The following GSE1 variants were observed in gnomAD, a reference collection of about 807,000 sequenced individuals.
The protein encoded by GSE1 is Gse1 coiled-coil protein, also known as genetic suppressor element 1.
A neutral mutation model predicts 112.6 loss-of-function variants in GSE1; 32 were observed. The ratio of observed to expected loss-of-function variants is 0.28; its 90% CI spans 0.21 to 0.38. The LOEUF (loss-of-function observed/expected upper bound fraction) is 0.38, where lower values mean the gene tolerates loss of function less well. Among genes scored for constraint, GSE1 ranks in the 10% least tolerant of loss-of-function variants. GSE1 has a pLI of 1.00. For synonymous variants in GSE1, 1,115 were observed against 735.6 expected (o/e 1.52, Z -8.35); for missense variants, 2,348 against 1,699.2 (o/e 1.38, Z -6.71).
At chr16:85,231,151 A>AGGATGGATAGAAGGACAGATGGAT (rs1567625721) in intron 1 of GSE1, among the ~76,000 whole-genome samples, 2 of 120,230 alleles carry the variant, frequency 1.7e-5, no homozygotes, top group East Asian at 5.8e-4. Context: ...GATGGATGGA[A>AGGATGGATAGAAGGACAGATGGAT]GGATGGATAG....
At chr16:85,382,982 CACACATGT>C (rs111488042) in intron 2 of GSE1, among the ~76,000 whole-genome samples, 18,693 of 151,594 alleles carry the variant, frequency 0.12, 1,885 homozygotes, top group African/African-American at 0.28. Flanking sequence ...CGCTCACACG[CACACATGT>C]GCACATACAA....
chr16:85,441,304 G>A (rs956410111), intron 2 of GSE1, among the ~76,000 whole-genome samples: 18 of 152,100 alleles, frequency 1.2e-4, no homozygotes, highest in Admixed American at 7.2e-4. Context: ...CCATTTGTCC[G>A]CTGGGGGGCA....
chr16:85,282,200 G>A (rs1160949573), intron 1 of GSE1, among the ~76,000 whole-genome samples: 1 of 152,026 alleles, frequency 6.6e-6, no homozygotes, highest in African/African-American at 2.4e-5. Flanking sequence ...GTTAATGTTT[G>A]TATTTTCAGT....
At chr16:85,200,965 C>T (rs979986804) in intron 1 of GSE1, among the ~76,000 whole-genome samples, 3 of 152,150 alleles carry the variant, frequency 2.0e-5, no homozygotes, top group Non-Finnish European at 4.4e-5. Context: ...ACCCTGGTGG[C>T]AGGCTCCAAG....
chr16:85,411,203 A>T (rs1280868283), intron 2 of GSE1, among the ~76,000 whole-genome samples: 10 of 67,192 alleles, frequency 1.5e-4, no homozygotes, highest in Admixed American at 3.6e-4. Flanking sequence ...TCACTGTTAC[A>T]CTCAGGGCCC....
intron 1 of GSE1, chr16:85,171,838 G>T (rs985558164): frequency 1.0e-6 from 1 of 962,894 alleles, no homozygotes; most frequent in Non-Finnish European, 1.2e-6. Flanking sequence ...CATCTTAGAC[G>T]CTTCCTCCAA....
chr16:85,464,096 C>T (rs1456036455), intron 2 of GSE1, among the ~76,000 whole-genome samples: 1 of 152,190 alleles, frequency 6.6e-6, no homozygotes, highest in African/African-American at 2.4e-5. Context: ...ATCCCCCATG[C>T]CTGGCCCCTC....
intron 1 of GSE1, among the ~76,000 whole-genome samples, chr16:85,265,066 C>T (rs1268598850): frequency 5.9e-5 from 9 of 152,202 alleles, no homozygotes; most frequent in Admixed American, 3.3e-4. Flanking sequence ...GTTGTAAGTA[C>T]GCAGTAAACG....
intron 2 of GSE1, among the ~76,000 whole-genome samples, chr16:85,387,437 A>G (rs2047712720): frequency 6.6e-6 from 1 of 151,722 alleles, no homozygotes; most frequent in South Asian, 2.1e-4. Flanking sequence ...GGGCCTTTGC[A>G]TCTGCTGTCC....
At chr16:85,234,936 G>A (rs1904438773) in intron 1 of GSE1, among the ~76,000 whole-genome samples, 1 of 152,164 alleles carries the variant, frequency 6.6e-6, no homozygotes, top group Non-Finnish European at 1.5e-5. Context: ...AGGGGCGGGG[G>A]TTGCCCTGGG....
At chr16:85,503,245 C>T (rs2051429508) in intron 2 of GSE1, among the ~76,000 whole-genome samples, 1 of 152,228 alleles carries the variant, frequency 6.6e-6, no homozygotes, top group African/African-American at 2.4e-5. Flanking sequence ...CTCCAGCATC[C>T]AGGGGTCACC....
chr16:85,309,005 A>G (rs1171241816), intron 1 of GSE1, among the ~76,000 whole-genome samples: 1 of 151,010 alleles, frequency 6.6e-6, no homozygotes, highest in Non-Finnish European at 1.5e-5. Context: ...GGAGGCTCCA[A>G]AATTGGCCTG....
At chr16:85,352,771 A>G (rs2046877318) in intron 1 of GSE1, among the ~76,000 whole-genome samples, 1 of 152,146 alleles carries the variant, frequency 6.6e-6, no homozygotes, top group Non-Finnish European at 1.5e-5. Flanking sequence ...TTGCGTGTCC[A>G]TTAATATTGA....
chr16:85,364,834 C>A (rs917397966), intron 2 of GSE1, among the ~76,000 whole-genome samples: 2 of 152,200 alleles, frequency 1.3e-5, no homozygotes, highest in African/African-American at 4.8e-5. Flanking sequence ...AGGGGCCGAG[C>A]CCTGCCATTC....
rs192465945 is a variant in GSE1 at position 85,492,374 on chromosome 16, A to G, written c.2464+134731A>G. Among the ~76,000 whole-genome samples, 8 of 152,086 alleles carry G rather than the reference A, an allele frequency of 5.3e-5. No homozygotes were observed. The East Asian group carries it at 1.5e-3, about 29-fold the overall frequency. On this transcript the variant is annotated intron_variant, in intron 2 of 2. Coordinates refer to the GSE1 transcript ENST00000637419. ...TGTTTGAGTCCCCCTCTCAAATCGA[A>G]TCCCCTCCCCCTTGCTGCACGCTAC...
intron 2 of GSE1, among the ~76,000 whole-genome samples, chr16:85,638,348 C>A (rs1489927866): frequency 2.0e-5 from 3 of 152,184 alleles, no homozygotes; most frequent in African/African-American, 7.2e-5. Flanking sequence ...ACCCGCCCAC[C>A]AGCGCGGGCC....
intron 3 of GSE1, among the ~76,000 whole-genome samples, chr16:85,650,971 T>A (rs73253208): frequency 6.7e-6 from 1 of 150,296 alleles, no homozygotes; most frequent in Non-Finnish European, 1.5e-5. Context: ...ACAGGGCATG[T>A]CCCGCCTGTC....
chr16:85,463,594 C>T (rs1357275713), intron 2 of GSE1, among the ~76,000 whole-genome samples: 1 of 152,176 alleles, frequency 6.6e-6, no homozygotes, highest in Non-Finnish European at 1.5e-5. Flanking sequence ...CTTGCTTGCA[C>T]AGGTGGGACC....
chr16:85,170,441 G>T, exon 1 of GSE1: 1 of 985,590 alleles, frequency 1.0e-6, no homozygotes, highest in Non-Finnish European at 1.2e-6. Flanking sequence ...ACCCTGGAGA[G>T]CAGGCCGCTG....
Sources: allele counts gnomAD v4.1 joint callset (sites outside exome capture counted in the v4.1 genomes callset), GRCh38; gene constraint gnomAD v4.1.1; transcripts MANE v1.5; gene names NCBI Gene and HGNC (gene_info 2026-07-23, HGNC 2026-07-21).